GRAMD1C: variants seen among roughly 807,000 people sequenced by gnomAD.
GRAMD1C encodes the protein protein Aster-C.
In GRAMD1C, 89 loss-of-function variants were observed where a neutral mutation model predicts 97.8. That is an observed-to-expected ratio of 0.91 (90% CI 0.77 to 1.09). The LOEUF (loss-of-function observed/expected upper bound fraction) is 1.09. Among genes scored for constraint, GRAMD1C ranks in the 50% least tolerant of loss-of-function variants. The probability of loss-of-function intolerance (pLI) is 0.00; values close to 1 mark genes in which losing one functional copy is unlikely to be tolerated. For synonymous variants in GRAMD1C, 256 were observed against 267.0 expected, an observed-to-expected ratio of 0.96 and a Z score of 0.40; for missense variants, 740 against 766.4, an observed-to-expected ratio of 0.97 and a Z score of 0.41.
intron 2 of GRAMD1C, among the ~76,000 whole-genome samples, chr3:113,862,007 T>G (rs1934395966): frequency 6.6e-6 from 1 of 151,222 alleles, no homozygotes; most frequent in Admixed American, 6.6e-5. Flanking sequence ...GGGGAGGGAG[T>G]GCACAAATAG....
In GRAMD1C at chr3:113,945,653, C is replaced by T. The variant is rs1938037297; in HGVS notation, c.*175C>T. Reference sequence around the variant, plus strand: ...TATTTGATAATTAGTTTCTGCTGGCCTTAATAATCCATCCTTTCACTTCTT... The same window carrying T: ...TATTTGATAATTAGTTTCTGCTGGCTTTAATAATCCATCCTTTCACTTCTT... On this transcript the variant is annotated 3_prime_UTR_variant, in exon 18 of 18. Coordinates refer to ENST00000358160, the MANE Select transcript of GRAMD1C (RefSeq NM_017577.5). 1 of 544,488 alleles carries T rather than the reference C, an allele frequency of 1.8e-6. No individual in the cohort carries two copies. The highest frequency in any genetic ancestry group is 3.2e-6 in the Non-Finnish European group (1 of 308,040). The allele number at this position is 544,488 out of a possible 1,614,324, so 33.7% of individuals were successfully genotyped here.
chr3:113,879,100 G>A (rs1241279916), intron 5 of GRAMD1C, among the ~76,000 whole-genome samples: 2 of 152,060 alleles, frequency 1.3e-5, no homozygotes, highest in Non-Finnish European at 2.9e-5. Flanking sequence ...AGCTATTCAG[G>A]AGGCGGAGGC....
chr3:113,850,679 T>A (rs1324829737), intron 2 of GRAMD1C: 1 of 1,597,062 alleles, frequency 6.3e-7, no homozygotes, highest in Admixed American at 1.7e-5. Flanking sequence ...CATGACTCCC[T>A]CCTTAAAAAG....
chr3:113,924,275 TG>T (rs1327369952), intron 10 of GRAMD1C, among the ~76,000 whole-genome samples: 1 of 152,158 alleles, frequency 6.6e-6, no homozygotes, highest in Non-Finnish European at 1.5e-5. Context: ...AATTTCATTC[TG>T]TTTAGCTCTA....
intron 6 of GRAMD1C, among the ~76,000 whole-genome samples, chr3:113,892,470 T>TCAAAA (rs1935772306): frequency 6.6e-6 from 1 of 152,080 alleles, no homozygotes; most frequent in Non-Finnish European, 1.5e-5. Context: ...AGACTCCATC[T>TCAAAA]CAAAACAAAA....
chr3:113,894,489 GGCTGGTCTCGAAC>G (rs1272342052), intron 6 of GRAMD1C, among the ~76,000 whole-genome samples: 1 of 152,130 alleles, frequency 6.6e-6, no homozygotes, highest in Non-Finnish European at 1.5e-5. Flanking sequence ...ATGTTGGCCA[GGCTGGTCTCGAAC>G]GCCTGACCTC....
chr3:113,918,457 C>G (rs1347743937), intron 10 of GRAMD1C, among the ~76,000 whole-genome samples: 2 of 152,186 alleles, frequency 1.3e-5, no homozygotes, highest in Admixed American at 6.5e-5. Context: ...TTTTGAAACA[C>G]AACTGCATTT....
Position 113,875,475 on chromosome 3 carries a change from T to C in GRAMD1C, c.260-9T>C. The C allele has an allele frequency of 1.7e-6, 2 of 1,155,306 alleles. No individual in the cohort carries two copies. The highest frequency in any genetic ancestry group is 1.3e-6 in the Non-Finnish European group (1 of 761,284). 71.6% of individuals were successfully genotyped at this position (1,155,306 alleles called of 1,614,324 possible). A position where few individuals can be genotyped will look rare whatever the true frequency, so the allele number is the denominator to read the frequency against. ...GTGAATAAGCTGTATCTTATTTTTGTGTATATAGATTATGCTTGTGCTCTT... is the reference window on the plus strand; with the variant it reads ...GTGAATAAGCTGTATCTTATTTTTGCGTATATAGATTATGCTTGTGCTCTT... On this transcript the variant is annotated splice_polypyrimidine_tract_variant and intron_variant, in intron 3 of 17. Transcript: ENST00000358160.
At chr3:113,903,066 G>A (rs564726856) in intron 7 of GRAMD1C, among the ~76,000 whole-genome samples, 20 of 151,676 alleles carry the variant, frequency 1.3e-4, no homozygotes, top group African/African-American at 3.9e-4. Flanking sequence ...CCGGGTTCAA[G>A]CGAGTCTTCT....
chr3:113,873,524 A>AT lies in GRAMD1C; in HGVS notation c.260-1949dup, dbSNP rs556654708. Among the ~76,000 whole-genome samples, 1,111 of 146,712 alleles carry AT rather than the reference A, an allele frequency of 7.6e-3. 3 individuals are homozygous for AT. The highest frequency in any genetic ancestry group is 0.017 in the South Asian group (80 of 4,644). ...CCTAGCACTATGTGTTTTTTATTTT[A>AT]TTTTTTTTTTTGGAGACAGACTCTC... On this transcript the variant is annotated intron_variant, in intron 3 of 17. Transcript: ENST00000358160.
chr3:113,911,732 T>TC, intron 9 of GRAMD1C, among the ~76,000 whole-genome samples: 1 of 10,598 alleles, frequency 9.4e-5, no homozygotes, highest in East Asian at 9.1e-3. Flanking sequence ...TCCTTCCTTT[T>TC]CTTTCTTTCT....
At chr3:113,913,616 A>G (rs547570511) in intron 9 of GRAMD1C, among the ~76,000 whole-genome samples, 2 of 152,276 alleles carry the variant, frequency 1.3e-5, no homozygotes, top group African/African-American at 4.8e-5. Flanking sequence ...TTATAGCAGT[A>G]AGAAGGTATA....
intron 5 of GRAMD1C, among the ~76,000 whole-genome samples, chr3:113,881,280 G>A (rs931700193): frequency 2.0e-5 from 3 of 152,076 alleles, no homozygotes; most frequent in East Asian, 1.9e-4. Context: ...TCAGCCTCCC[G>A]AGAAGCTGGG....
At chr3:113,842,745 G>A (rs548137973) in intron 1 of GRAMD1C, among the ~76,000 whole-genome samples, 5 of 151,968 alleles carry the variant, frequency 3.3e-5, no homozygotes, top group Non-Finnish European at 5.9e-5. Context: ...GGCTGATCAC[G>A]TGAGGTCAGG....
rs1045815695 is a variant in GRAMD1C, at chr3:113,946,607, G to A, written c.*1129G>A. On this transcript the variant is annotated 3_prime_UTR_variant, in exon 18 of 18. Coordinates refer to ENST00000358160, the MANE Select transcript of GRAMD1C (RefSeq NM_017577.5). ...ATTTTTTCAAGAGTTAGGGAAAGTT[G>A]AAGTGTTTTACTGTTTTGTCTCTTG... 5 of 152,192 alleles carry A rather than the reference G, an allele frequency of 3.3e-5. No homozygotes were observed. The highest frequency in any genetic ancestry group is 6.5e-5 in the Admixed American group (1 of 15,288). The allele number at this position is 152,192 out of a possible 1,614,324, so 9.4% of individuals were successfully genotyped here. A position where few individuals can be genotyped will look rare whatever the true frequency, so the allele number is the denominator to read the frequency against.
rs548461791 is a variant in GRAMD1C, at chr3:113,908,435, GA to G, written c.790-522del. ...GCAGCAAAGCCAATTGTGTTTTTAT[GA>G]GTTTGCTATGAAGTTAATTTGTTTT... On this transcript the variant is annotated intron_variant, in intron 8 of 17. Transcript: ENST00000358160. Among the ~76,000 whole-genome samples the G allele has an allele frequency of 2.4e-3, 372 of 152,186 alleles. 4 individuals carry two copies. The highest frequency in any genetic ancestry group is 8.4e-3 in the African/African-American group (349 of 41,554).
intron 2 of GRAMD1C, among the ~76,000 whole-genome samples, chr3:113,866,835 C>CT (rs35476705): frequency 0.45 from 67,338 of 148,168 alleles, 15,229 homozygotes; most frequent in African/African-American, 0.47. Flanking sequence ...ACCCTTATGT[C>CT]TTTTTTTTTT....
At chr3:113,897,997 G>A (rs894396631) in intron 6 of GRAMD1C, among the ~76,000 whole-genome samples, 2 of 152,036 alleles carry the variant, frequency 1.3e-5, no homozygotes, top group African/African-American at 2.4e-5. Flanking sequence ...TATAGAAAAC[G>A]TCATTTTTAA....
At chr3:113,849,286 T>A (rs1389288671) in intron 2 of GRAMD1C, among the ~76,000 whole-genome samples, 1 of 149,638 alleles carries the variant, frequency 6.7e-6, no homozygotes, top group Non-Finnish European at 1.5e-5. Context: ...TTTATTTATT[T>A]ATTTATTTAT....
Sources: allele counts gnomAD v4.1 joint callset (sites outside exome capture counted in the v4.1 genomes callset), GRCh38; gene constraint gnomAD v4.1.1; transcripts MANE v1.5; gene names NCBI Gene and HGNC (gene_info 2026-07-23, HGNC 2026-07-21).